Variants in TF observed in about 807,000 individuals in gnomAD.
TF encodes transferrin.
TF carries 55 observed loss-of-function variants against 82.4 expected under a neutral mutation model. The observed-to-expected ratio is 0.67, with a 90% confidence interval of 0.54 to 0.84. TF has a LOEUF of 0.84. Ranked by LOEUF, TF falls within the 40% of genes least tolerant of loss-of-function variation. TF has a pLI of 0.00. For synonymous variants in TF, 332 were observed against 332.6 expected (o/e 1.00, Z 0.02); for missense variants, 737 against 868.4 (o/e 0.85, Z 1.90).
In TF at chr3:133,792,525, G is replaced by A. The variant is rs1934866705; in HGVS notation, c.*13905G>A. 6.6e-6 allele frequency: 1 copy of A among 152,080 alleles called. No homozygotes were observed. The highest frequency in any genetic ancestry group is 2.4e-5 in the African/African-American group (1 of 41,404). 9.4% of individuals were successfully genotyped at this position (152,080 alleles called of 1,614,324 possible). A position where few individuals can be genotyped will look rare whatever the true frequency, so the allele number is the denominator to read the frequency against. ...TCAGACCTTAAGTGTACTTCTCTCT[G>A]GGTCCTAGACTCCACAACTAATATA... On this transcript the variant is annotated 3_prime_UTR_variant, in exon 17 of 17. Coordinates refer to ENST00000402696, the MANE Select transcript of TF (RefSeq NM_001063.4).
At chr3:133,763,182 G>A (rs1364465137) in intron 9 of TF, among the ~76,000 whole-genome samples, 1 of 152,176 alleles carries the variant, frequency 6.6e-6, no homozygotes, top group Non-Finnish European at 1.5e-5. Context: ...AAGTTTGGAT[G>A]TGTAGAGGGA....
At chr3:133,746,606 C>A (rs1023913598) in intron 1 of TF, 123 bp downstream of exon 1, 1 of 1,145,538 alleles carries the variant, frequency 8.7e-7, no homozygotes, top group Non-Finnish European at 1.3e-6. Flanking sequence ...TGTCTGGGTG[C>A]CTTTCCATTG....
At chr3:133,768,296 C>A (rs948182871) in intron 13 of TF, 132 bp downstream of exon 13, 3 of 1,288,220 alleles carry the variant, frequency 2.3e-6, no homozygotes, top group Non-Finnish European at 3.2e-6. Flanking sequence ...TATTTCACAA[C>A]CAGATATAGA....
chr3:133,770,707 C>T, intron 14 of TF, 135 bp downstream of exon 14: 2 of 1,058,104 alleles, frequency 1.9e-6, no homozygotes, highest in Non-Finnish European at 2.9e-6. Context: ...AGTCTGTCTG[C>T]TCAGTGAAGA....
chr3:133,696,461 T>TC, the TF span, among the ~76,000 whole-genome samples: 2 of 152,224 alleles, frequency 1.3e-5, no homozygotes, highest in East Asian at 3.8e-4. Context: ...TTAGAACATA[T>TC]CCCCCTTGAA....
At position 133,757,786 on chromosome 3, in the gene TF, C is replaced by T; in HGVS notation, c.888C>T (p.Asp296=). The T allele has an allele frequency of 4.3e-6, 7 of 1,614,202 alleles. No homozygotes were observed. Among genetic ancestry groups the T allele is most frequent in the Non-Finnish European group, 5.9e-6 (7 of 1,180,016 alleles). ...ATGAACAGGAACATTTTGGCAAAGA[C>T]AAATCAAAAGAATTCCAACTATTCA... ...LNQAQEHFGK[D]KSKEFQLFSS... The change falls in exon 8 of 17, where the codon GAC becomes GAT. Residue 296 remains aspartate, a synonymous_variant. Transcript: ENST00000402696.
At position 133,779,704 on chromosome 3, in the gene TF, C is replaced by T. The variant is rs1406064761; in HGVS notation, c.*1084C>T. 6.6e-6 allele frequency: 1 copy of T among 152,422 alleles called. No individual in the cohort carries two copies. The highest frequency in any genetic ancestry group is 1.5e-5 in the Non-Finnish European group (1 of 68,200). The allele number at this position is 152,422 out of a possible 1,614,324, so 9.4% of individuals were successfully genotyped here. A position where few individuals can be genotyped will look rare whatever the true frequency, so the allele number is the denominator to read the frequency against. ...GACTCCTAGGCATCTGTATCTATAGCTGTGACCCCAGCCTCCAGCAGTATC... is the reference window on the plus strand; with the variant it reads ...GACTCCTAGGCATCTGTATCTATAGTTGTGACCCCAGCCTCCAGCAGTATC... On this transcript the variant is annotated 3_prime_UTR_variant, in exon 17 of 17. Coordinates refer to ENST00000402696, the MANE Select transcript of TF (RefSeq NM_001063.4).
chr3:133,676,488 T>G, the TF span, among the ~76,000 whole-genome samples: 1 of 152,056 alleles, frequency 6.6e-6, no homozygotes, highest in Non-Finnish European at 1.5e-5. Context: ...TCAGCAACTG[T>G]TGGTTCTGTC....
At chr3:133,671,418 A>G in the TF span, among the ~76,000 whole-genome samples, 11 of 152,294 alleles carry the variant, frequency 7.2e-5, no homozygotes, top group Middle Eastern at 3.4e-3. Context: ...AGGCAAATTT[A>G]TAGCCTTTAT....
At chr3:133,746,383 C>G (rs973320985), upstream of TF, 1 of 1,555,998 alleles carries the variant, frequency 6.4e-7, no homozygotes, top group South Asian at 1.2e-5. Flanking sequence ...CGCGGGGCGC[C>G]GGAGGCTGCA....
the TF span, chr3:133,700,045 G>C: frequency 6.2e-6 from 1 of 161,826 alleles, no homozygotes; most frequent in African/African-American, 2.4e-5. Flanking sequence ...ACTTGGCAAA[G>C]ACTTGTCTTG....
chr3:133,666,041 T>C, the TF span, among the ~76,000 whole-genome samples: 1 of 152,092 alleles, frequency 6.6e-6, no homozygotes, highest in Non-Finnish European at 1.5e-5. Flanking sequence ...TTTATTATTA[T>C]ATTTTACTAC....
chr3:133,754,893 G>A (rs1194806916), intron 4 of TF, among the ~76,000 whole-genome samples: 1 of 152,258 alleles, frequency 6.6e-6, no homozygotes, highest in Non-Finnish European at 1.5e-5. Context: ...AGCAGAGGCT[G>A]TTCTGATGAG....
rs575123561 is a variant in TF, at chr3:133,786,144, C to T, written c.*7524C>T. The stretch of plus-strand genomic sequence containing the variant: ...GTTCACTTGTTTATCTGCTGACCTT[C>T]CCTCCACTATTGTCCCATGACCCTG... On this transcript the variant is annotated 3_prime_UTR_variant, in exon 17 of 17. Coordinates refer to ENST00000402696, the MANE Select transcript of TF (RefSeq NM_001063.4). 3.1e-5 allele frequency: 2 copies of T among 64,008 alleles called. 1 individual carries two copies. The highest frequency in any genetic ancestry group is 1.4e-3 in the East Asian group (2 of 1,384). 4.0% of individuals were successfully genotyped at this position (64,008 alleles called of 1,614,324 possible). A position where few individuals can be genotyped will look rare whatever the true frequency, so the allele number is the denominator to read the frequency against.
the TF span, among the ~76,000 whole-genome samples, chr3:133,666,045 T>G: frequency 3.9e-5 from 6 of 152,140 alleles, no homozygotes; most frequent in Non-Finnish European, 8.8e-5. Flanking sequence ...TTATTATATT[T>G]TACTACATAG....
At chr3:133,696,645 ACATTT>A in the TF span, among the ~76,000 whole-genome samples, 1 of 152,242 alleles carries the variant, frequency 6.6e-6, no homozygotes, top group African/African-American at 2.4e-5. Context: ...ATTCTCCTGA[ACATTT>A]CATTATAAAT....
the TF span, among the ~76,000 whole-genome samples, chr3:133,709,829 GTCC>G: frequency 6.6e-6 from 1 of 152,054 alleles, no homozygotes; most frequent in African/African-American, 2.4e-5. Context: ...CCTTGAGCAG[GTCC>G]TCCTCCTTCT....
At chr3:133,664,302 C>T in the TF span, among the ~76,000 whole-genome samples, 1 of 152,266 alleles carries the variant, frequency 6.6e-6, no homozygotes, top group East Asian at 1.9e-4. Flanking sequence ...TATATATAAC[C>T]TGTGCACATA....
rs772817153 is a variant in TF at position 133,794,158 on chromosome 3, A to C, written c.*15538A>C. 1 of 152,248 alleles carries C rather than the reference A, an allele frequency of 6.6e-6. No individual in the cohort carries two copies. Among genetic ancestry groups the C allele is most frequent in the East Asian group, 1.9e-4 (1 of 5,202 alleles). 9.4% of individuals were successfully genotyped at this position (152,248 alleles called of 1,614,324 possible). On this transcript the variant is annotated 3_prime_UTR_variant, in exon 17 of 17. Transcript: ENST00000402696. ...ATTAAGCATGAACTCATGGAGAACC[A>C]GGATGGCCACCTTGTCCTTCCTAAG...
Sources: gnomAD v4.1 joint callset for allele counts (sites outside exome capture counted in the v4.1 genomes callset) on GRCh38, gnomAD v4.1.1 for gene constraint, MANE v1.5 for transcripts, NCBI Gene and HGNC (gene_info 2026-07-23, HGNC 2026-07-21) for gene names.